The following SLIT2 variants were observed in gnomAD, a reference collection of about 807,000 sequenced individuals.
SLIT2 encodes the protein slit homolog 2 protein.
In SLIT2, 41 loss-of-function variants were observed where a neutral mutation model predicts 185.7. That is an observed-to-expected ratio of 0.22 (90% CI 0.17 to 0.29). SLIT2 has a LOEUF of 0.29. Among genes scored for constraint, SLIT2 ranks in the 10% least tolerant of loss-of-function variants. The pLI is 1.00. For missense variants in SLIT2, 1,571 were observed against 1,909.0 expected (o/e 0.82, Z 3.30); for synonymous variants, 693 against 680.2 (o/e 1.02, Z -0.29).
At chr4:20,582,921 G>C (rs1436222798) in intron 29 of SLIT2, among the ~76,000 whole-genome samples, 1 of 152,172 alleles carries the variant, frequency 6.6e-6, no homozygotes, top group African/African-American at 2.4e-5. Flanking sequence ...ATGGGCAGGA[G>C]GCTTCTTCAG....
intron 4 of SLIT2, among the ~76,000 whole-genome samples, chr4:20,451,009 T>C (rs1459181241): frequency 1.3e-5 from 2 of 152,208 alleles, no homozygotes; most frequent in Non-Finnish European, 2.9e-5. Flanking sequence ...AGCAGAAGGA[T>C]AAGAACTTTA....
At chr4:20,573,938 T>TTTTATTTATTTATTTA (rs10673597) in intron 29 of SLIT2, among the ~76,000 whole-genome samples, 8,011 of 140,676 alleles carry the variant, frequency 0.057, 309 homozygotes, top group Admixed American at 0.09. Flanking sequence ...CATAGAATTA[T>TTTTATTTATTTATTTA]TTTATTTATT....
At chr4:20,558,876 T>G (rs1429643988) in intron 26 of SLIT2, among the ~76,000 whole-genome samples, 2 of 152,072 alleles carry the variant, frequency 1.3e-5, no homozygotes, top group African/African-American at 2.4e-5. Context: ...ACTTACAATA[T>G]GGCTAATGCA....
At chr4:20,586,906 AGGTGATAT>A (rs1295948342) in intron 29 of SLIT2, among the ~76,000 whole-genome samples, 2 of 152,214 alleles carry the variant, frequency 1.3e-5, no homozygotes, top group African/African-American at 4.8e-5. Flanking sequence ...AAACAGACCC[AGGTGATAT>A]GAATGTCGGG....
rs115758567 is a variant in SLIT2 at position 20,401,166 on chromosome 4, A to G, written c.396-66586A>G. On this transcript the variant is annotated intron_variant, in intron 4 of 36. Coordinates refer to ENST00000504154, the MANE Select transcript of SLIT2 (RefSeq NM_004787.4). ...AAGTCAGAAAGCCTGATAGAAATGA[A>G]TAAAGTCTAAGTTGTTGGTAAAAGG... 6.0e-3 allele frequency among the ~76,000 whole-genome samples: 906 copies of G among 152,028 alleles called. 7 individuals carry two copies. The highest frequency in any genetic ancestry group is 0.021 in the African/African-American group (855 of 41,508).
chr4:20,321,411 C>A (rs532454204), intron 4 of SLIT2, among the ~76,000 whole-genome samples: 1 of 152,272 alleles, frequency 6.6e-6, no homozygotes, highest in Admixed American at 6.5e-5. Flanking sequence ...GGGGCTACAC[C>A]ATTTCTAAGT....
intron 3 of SLIT2, among the ~76,000 whole-genome samples, chr4:20,264,002 C>G (rs1272695277): frequency 6.6e-6 from 1 of 151,776 alleles, no homozygotes; most frequent in African/African-American, 2.4e-5. Context: ...CTTAACAACC[C>G]TTCAATGGTT....
chr4:20,269,507 T>G (rs1303828126), intron 4 of SLIT2, among the ~76,000 whole-genome samples: 2 of 151,932 alleles, frequency 1.3e-5, no homozygotes, highest in Non-Finnish European at 2.9e-5. Context: ...TTTTCCTCCC[T>G]GGAATGCTTT....
At chr4:20,417,585 G>C (rs180719363) in intron 4 of SLIT2, among the ~76,000 whole-genome samples, 1 of 151,324 alleles carries the variant, frequency 6.6e-6, no homozygotes, top group Admixed American at 6.6e-5. Flanking sequence ...GCAGTGGTGC[G>C]ATCTCAGCTC....
intron 4 of SLIT2, 36 bp downstream of exon 4, chr4:20,268,917 A>T: frequency 8.0e-7 from 1 of 1,249,450 alleles, no homozygotes; most frequent in Non-Finnish European, 1.2e-6. Context: ...TGCTTTGGGT[A>T]GTACCTTGTG....
At chr4:20,393,052 C>A (rs1725562493) in intron 4 of SLIT2, among the ~76,000 whole-genome samples, 1 of 152,044 alleles carries the variant, frequency 6.6e-6, no homozygotes. Context: ...TTTACACCAG[C>A]ATCACCACAG....
At chr4:20,298,369 G>A (rs1296848191) in intron 4 of SLIT2, among the ~76,000 whole-genome samples, 2 of 152,070 alleles carry the variant, frequency 1.3e-5, no homozygotes, top group African/African-American at 2.4e-5. Flanking sequence ...GATTACAGAC[G>A]TGAGCCACTG....
At chr4:20,288,306 T>C (rs1309436015) in intron 4 of SLIT2, among the ~76,000 whole-genome samples, 1 of 152,240 alleles carries the variant, frequency 6.6e-6, no homozygotes, top group Non-Finnish European at 1.5e-5. Context: ...GGATGGACGC[T>C]CCTTACCTCA....
chr4:20,304,632 C>A (rs147294149), intron 4 of SLIT2, among the ~76,000 whole-genome samples: 1 of 152,070 alleles, frequency 6.6e-6, no homozygotes, highest in South Asian at 2.1e-4. Flanking sequence ...GGAACAGCTG[C>A]CTTGCTGTTA....
At chr4:20,570,355 G>T (rs193003007) in intron 29 of SLIT2, among the ~76,000 whole-genome samples, 1 of 151,876 alleles carries the variant, frequency 6.6e-6, no homozygotes, top group South Asian at 2.1e-4. Context: ...CCTTTCTAGA[G>T]TATCTGGAAA....
chr4:20,598,423 G>A (rs1193575554), intron 33 of SLIT2, 28 bp downstream of exon 33: 5 of 1,612,644 alleles, frequency 3.1e-6, no homozygotes, highest in South Asian at 2.2e-5. Flanking sequence ...ACGGGTAAAG[G>A]TGAAAAAAAT....
At chr4:20,451,201 C>T (rs529807495) in intron 4 of SLIT2, among the ~76,000 whole-genome samples, 20 of 152,324 alleles carry the variant, frequency 1.3e-4, no homozygotes, top group African/African-American at 4.6e-4. Context: ...TCCTGAAGTT[C>T]ATTCCACTGT....
At chr4:20,422,257 A>G (rs1461719684) in intron 4 of SLIT2, among the ~76,000 whole-genome samples, 3 of 152,228 alleles carry the variant, frequency 2.0e-5, no homozygotes, top group Non-Finnish European at 4.4e-5. Flanking sequence ...TTAGTAGAGA[A>G]GTCAAGATGA....
intron 4 of SLIT2, among the ~76,000 whole-genome samples, chr4:20,338,583 C>G (rs4697161): frequency 0.87 from 132,076 of 152,240 alleles, 57,477 homozygotes; most frequent in African/African-American, 0.92. Context: ...ACCTTTGTTT[C>G]TTGACACAAA....
Sources: gnomAD v4.1 joint callset for allele counts (sites outside exome capture counted in the v4.1 genomes callset) on GRCh38, gnomAD v4.1.1 for gene constraint, MANE v1.5 for transcripts, NCBI Gene and HGNC (gene_info 2026-07-23, HGNC 2026-07-21) for gene names.